Variants in PDE4D observed in about 807,000 individuals in gnomAD.
The protein encoded by PDE4D is 3',5'-cyclic-AMP phosphodiesterase 4D.
In PDE4D, 24 loss-of-function variants were observed where a neutral mutation model predicts 87.4. The observed-to-expected ratio is 0.27, with a 90% CI of 0.20 to 0.39. The LOEUF (loss-of-function observed/expected upper bound fraction) is 0.39. Ranked by LOEUF, PDE4D falls within the 10% of genes least tolerant of loss-of-function variation. PDE4D has a pLI of 1.00. For missense variants in PDE4D, 714 were observed against 1,041.0 expected, an observed-to-expected ratio of 0.69 and a Z score of 4.32; for synonymous variants, 384 against 383.2, an observed-to-expected ratio of 1.00 and a Z score of -0.02.
At chr5:59,159,545 T>C (rs1780739202) in intron 5 of PDE4D, among the ~76,000 whole-genome samples, 1 of 152,164 alleles carries the variant, frequency 6.6e-6, no homozygotes, top group South Asian at 2.1e-4. Flanking sequence ...CATATTTTGG[T>C]TGATTTTATT....
At chr5:59,668,879 GA>G (rs1746647589) in intron 1 of PDE4D, among the ~76,000 whole-genome samples, 1 of 77,884 alleles carries the variant, frequency 1.3e-5, no homozygotes, top group Non-Finnish European at 2.4e-5. Flanking sequence ...AGAAGAAGAA[GA>G]AGAAGAAGAA....
intron 3 of PDE4D, among the ~76,000 whole-genome samples, chr5:59,932,563 G>A (rs1188631650): frequency 6.6e-6 from 1 of 152,180 alleles, no homozygotes; most frequent in African/African-American, 2.4e-5. Flanking sequence ...AAAGTAAGTG[G>A]TAATCTGACT....
At chr5:59,596,451 A>G (rs934703001) in intron 1 of PDE4D, among the ~76,000 whole-genome samples, 7 of 151,878 alleles carry the variant, frequency 4.6e-5, no homozygotes, top group African/African-American at 1.2e-4. Context: ...TTTGAAATAG[A>G]TGACTAAAGA....
intron 5 of PDE4D, among the ~76,000 whole-genome samples, chr5:59,124,074 G>T (rs950246850): frequency 6.6e-6 from 1 of 152,108 alleles, no homozygotes; most frequent in South Asian, 2.1e-4. Context: ...ATGTAATCAG[G>T]GGGGAACAAC....
At chr5:59,267,906 G>A (rs1345647857) in intron 1 of PDE4D, among the ~76,000 whole-genome samples, 1 of 151,946 alleles carries the variant, frequency 6.6e-6, no homozygotes, top group Non-Finnish European at 1.5e-5. Context: ...TTACCCTATG[G>A]CAGAAATTCT....
intron 1 of PDE4D, among the ~76,000 whole-genome samples, chr5:59,639,812 AGTGTGTGT>A (rs70975323): frequency 0.12 from 17,831 of 143,556 alleles, 2,160 homozygotes; most frequent in African/African-American, 0.32. Flanking sequence ...TAGTGTCTAT[AGTGTGTGT>A]GTGTGTGTGT....
In PDE4D at chr5:60,158,829, A is replaced by AAT. The variant is rs532941329; in HGVS notation, c.42+26727_42+26728insAT. 6.4e-3 allele frequency among the ~76,000 whole-genome samples: 979 copies of AAT among 152,294 alleles called. 10 individuals are homozygous for AAT. Among genetic ancestry groups the AAT allele is most frequent in the African/African-American group, 0.022 (934 of 41,558 alleles). On this transcript the variant is annotated intron_variant, in intron 2 of 16. Coordinates refer to the PDE4D transcript ENST00000502484. The stretch of plus-strand genomic sequence containing the variant: ...CGTGATCCGCCCGCCTCGGCCTCCC[A>AAT]AAGTGCTGGGATTACAGGCGTGAGC...
chr5:60,193,074 TCTA>T (rs1028818148), intron 1 of PDE4D, among the ~76,000 whole-genome samples: 6 of 152,072 alleles, frequency 3.9e-5, no homozygotes, highest in African/African-American at 1.4e-4. Flanking sequence ...TCTTCCTGAC[TCTA>T]CTATTTTCAT....
At chr5:58,988,298 C>A (rs912963611) in intron 11 of PDE4D, among the ~76,000 whole-genome samples, 195 bp downstream of exon 11, 1 of 151,994 alleles carries the variant, frequency 6.6e-6, no homozygotes, top group African/African-American at 2.4e-5. Context: ...ACACATTTTT[C>A]AAATATCACA....
intron 1 of PDE4D, among the ~76,000 whole-genome samples, chr5:59,585,677 C>T (rs140972791): frequency 5.1e-4 from 77 of 152,318 alleles, no homozygotes; most frequent in African/African-American, 1.8e-3. Context: ...CATGATATCA[C>T]ATGTCCAGGG....
Position 60,452,926 on chromosome 5 carries a change from G to C in PDE4D, c.-90+35016C>G, listed in dbSNP as rs138416157. Among the ~76,000 whole-genome samples, 481 of 152,254 alleles carry C rather than the reference G, an allele frequency of 3.2e-3. 3 individuals are homozygous for C. Among genetic ancestry groups the C allele is most frequent in the African/African-American group, 0.011 (452 of 41,570 alleles). On this transcript the variant is annotated intron_variant, in intron 1 of 16. Coordinates refer to the PDE4D transcript ENST00000502484. ...AACTTCTTCCATTCTCTGTGAGAAAGCTAGGTTCAAATGCCTCCACAATCC... is the reference window on the plus strand; with the variant it reads ...AACTTCTTCCATTCTCTGTGAGAAACCTAGGTTCAAATGCCTCCACAATCC...
chr5:59,911,261 T>A (rs1753407655), intron 3 of PDE4D, among the ~76,000 whole-genome samples: 2 of 152,168 alleles, frequency 1.3e-5, no homozygotes, highest in Non-Finnish European at 2.9e-5. Flanking sequence ...AGGGATAACA[T>A]CACTATTGTA....
At chr5:60,000,713 A>T (rs1387753368) in intron 2 of PDE4D, among the ~76,000 whole-genome samples, 3 of 152,246 alleles carry the variant, frequency 2.0e-5, no homozygotes, top group Non-Finnish European at 4.4e-5. Context: ...TAATTATAAA[A>T]TATAAATATA....
chr5:59,766,865 A>T (rs1317087694), intron 1 of PDE4D, among the ~76,000 whole-genome samples: 1 of 152,214 alleles, frequency 6.6e-6, no homozygotes, highest in Admixed American at 6.5e-5. Context: ...AGAAAAAGTC[A>T]ATGTTTGTCT....
At position 59,623,174 on chromosome 5, in the gene PDE4D, C is replaced by G. The variant is rs1466703484; in HGVS notation, c.455+269994G>C. 2.0e-5 allele frequency among the ~76,000 whole-genome samples: 3 copies of G among 152,172 alleles called. No homozygotes were observed. In the South Asian group the frequency reaches 6.2e-4, roughly 31 times the overall value. ...CAAAAATACAGAATATCCTTGCTCA[C>G]ATCCTCATTTGGCATAGTTTCTTCT... On this transcript the variant is annotated intron_variant, in intron 1 of 14. Transcript: ENST00000340635.
chr5:59,104,262 G>C (rs1228466727), intron 5 of PDE4D, among the ~76,000 whole-genome samples: 1 of 152,126 alleles, frequency 6.6e-6, no homozygotes, highest in Non-Finnish European at 1.5e-5. Flanking sequence ...TTGTCTCATG[G>C]AACCCATAAA....
In PDE4D at chr5:60,024,619, C is replaced by T. The variant is rs186639976; in HGVS notation, c.43-35902G>A. On this transcript the variant is annotated intron_variant, in intron 2 of 16. Transcript: ENST00000502484. ...TGATTTAAGGCATCATGTAACAGTC[C>T]CCAAGCACAATTATGGAACTCCAAA... is the stretch of plus-strand genomic sequence containing the variant. Among the ~76,000 whole-genome samples, 381 of 152,030 alleles carry T rather than the reference C, an allele frequency of 2.5e-3. 2 individuals are homozygous for T. The highest frequency in any genetic ancestry group is 0.013 in the South Asian group (61 of 4,814).
In PDE4D at chr5:59,142,014, A is replaced by G. The variant is rs150774508; in HGVS notation, c.808+38581T>C. 3.8e-3 allele frequency among the ~76,000 whole-genome samples: 576 copies of G among 152,274 alleles called. 2 individuals are homozygous for G. Among genetic ancestry groups the G allele is most frequent in the African/African-American group, 0.013 (555 of 41,556 alleles). On this transcript the variant is annotated intron_variant, in intron 5 of 14. Transcript: ENST00000340635. ...ACGTTACTTCCAAGTTGGGAACACAATCTTGCAACCTGGCCCCACCCTGTT... is the reference window on the plus strand; with the variant it reads ...ACGTTACTTCCAAGTTGGGAACACAGTCTTGCAACCTGGCCCCACCCTGTT...
At chr5:59,308,563 G>A (rs1158754781) in intron 1 of PDE4D, among the ~76,000 whole-genome samples, 1 of 151,868 alleles carries the variant, frequency 6.6e-6, no homozygotes, top group Admixed American at 6.6e-5. Context: ...TAGGGCCCCA[G>A]TCCCTTCTAG....
Sources: allele counts gnomAD v4.1 joint callset (sites outside exome capture counted in the v4.1 genomes callset), GRCh38; gene constraint gnomAD v4.1.1; transcripts MANE v1.5; gene names NCBI Gene and HGNC (gene_info 2026-07-23, HGNC 2026-07-21).